Variants in AHDC1 observed in about 807,000 individuals in gnomAD.
AHDC1 encodes the protein transcription factor Gibbin.
A neutral mutation model predicts 87.9 loss-of-function variants in AHDC1; 7 were observed. That is an observed-to-expected ratio of 0.08 (90% CI 0.05 to 0.15). AHDC1 has a LOEUF of 0.15. Among genes scored for constraint, AHDC1 ranks in the 10% least tolerant of loss-of-function variants. AHDC1 has a pLI of 1.00. For missense variants in AHDC1, 1,841 were observed against 2,253.2 expected (o/e 0.82, Z 3.70); for synonymous variants, 1,051 against 1,006.8 (o/e 1.04, Z -0.83).
At chr1:27,597,357 C>T (rs1294705951) in intron 3 of AHDC1, among the ~76,000 whole-genome samples, 1 of 149,054 alleles carries the variant, frequency 6.7e-6, no homozygotes, top group Non-Finnish European at 1.5e-5. Flanking sequence ...GTGTGTGTGA[C>T]AGTGTGAGAG....
chr1:27,597,252 G>A (rs923799840), intron 3 of AHDC1, among the ~76,000 whole-genome samples: 3 of 152,222 alleles, frequency 2.0e-5, no homozygotes, highest in African/African-American at 7.2e-5. Flanking sequence ...CCTGTACAGG[G>A]AAGGAAGCAC....
At chr1:27,589,672 G>A (rs971426640) in intron 3 of AHDC1, among the ~76,000 whole-genome samples, 2 of 152,182 alleles carry the variant, frequency 1.3e-5, no homozygotes, top group African/African-American at 4.8e-5. Flanking sequence ...TCTGTGTGAT[G>A]TTTGTGAGAC....
In AHDC1 at chr1:27,598,441, T is replaced by A. The variant is rs992069657; in HGVS notation, c.-629+4956A>T. ...ATCCCCTGGCCAATGGAAGAGATGCTGGGATCCAGGAGGGAGGGGCCAGGA... is the reference window on the plus strand; with the variant it reads ...ATCCCCTGGCCAATGGAAGAGATGCAGGGATCCAGGAGGGAGGGGCCAGGA... On this transcript the variant is annotated intron_variant, in intron 3 of 8. Transcript: ENST00000673934. This position sits in a 1 kb window ranked among gnomAD's most constrained non-coding sequence, Gnocchi z 4.2. 6.6e-6 allele frequency among the ~76,000 whole-genome samples: 1 copy of A among 152,106 alleles called. No homozygotes were observed. Among genetic ancestry groups the A allele is most frequent in the African/African-American group, 2.4e-5 (1 of 41,432 alleles).
rs1195913812 is a variant in AHDC1, at chr1:27,534,261, G to GTTTTTTTTTTTTTTTTTTTTTT, written c.*698_*699insAAAAAAAAAAAAAAAAAAAAAA. The GTTTTTTTTTTTTTTTTTTTTTT allele has an allele frequency of 2.2e-5, 2 of 89,646 alleles. No individual in the cohort carries two copies. Among genetic ancestry groups the GTTTTTTTTTTTTTTTTTTTTTT allele is most frequent in the African/African-American group, 8.0e-5 (2 of 25,016 alleles). The allele number at this position is 89,646 out of a possible 1,614,324, so 5.6% of individuals were successfully genotyped here. On this transcript the variant is annotated 3_prime_UTR_variant, in exon 9 of 9. Coordinates refer to ENST00000673934, the MANE Select transcript of AHDC1 (RefSeq NM_001371928.1). ...GACACAAGGTTGGTTTTTTTTTTTT[G>GTTTTTTTTTTTTTTTTTTTTTT]TTTTTTTTTTGTTTTTTTTTTGCTT...
At chr1:27,552,775 A>T (rs144805997) in intron 7 of AHDC1, 117 bp downstream of exon 7, 23 of 152,816 alleles carry the variant, frequency 1.5e-4, no homozygotes, top group African/African-American at 5.5e-4. Context: ...TGCCTTTGAG[A>T]GGGAAGCACA....
In AHDC1 at chr1:27,547,312, A is replaced by G; in HGVS notation, c.4804T>C (p.Ser1602Pro). ...PHPEDTFTVT[S>P]L ...CGGCACTTCAGTTGGCACTACAGGG[A>G]TGTGACGGTGAATGTGTCCTCGGGG... Residue 1602 changes from serine to proline, a missense_variant, in exon 8 of 9, where the codon TCC (serine) becomes CCC (proline). Around this residue, in one of 13 missense-constraint regions of AHDC1, gnomAD observed 505 missense variants for 626.2 expected, o/e 0.81. Coordinates refer to ENST00000673934, the MANE Select transcript of AHDC1 (RefSeq NM_001371928.1). The surrounding 1 kb of genome is among the most constrained non-coding windows in gnomAD (Gnocchi z 4.9). The G allele has an allele frequency of 6.5e-6, 10 of 1,542,418 alleles. No homozygotes were observed. Among genetic ancestry groups the G allele is most frequent in the Non-Finnish European group, 8.7e-6 (10 of 1,147,456 alleles).
In AHDC1 at chr1:27,550,908, C is replaced by A; in HGVS notation, c.1208G>T (p.Arg403Leu). ...GCCCTCGGGTCCGGCGTCTGCCTTG[C>A]GTCCCCGTCCGGCTTTCCGCCGGCG... ...LCRRRKAGRG[R>L]KADAGPEGRL... The change falls in exon 8 of 9, where the codon CGC (arginine) becomes CTC (leucine). Residue 403 changes from arginine to leucine, a missense_variant. By Grantham distance (102) the Arg-to-Leu change is moderately radical (BLOSUM62 -2). Around this residue, in one of 13 missense-constraint regions of AHDC1, gnomAD observed 370 missense variants for 391.5 expected, o/e 0.95. Transcript: ENST00000673934. 6.3e-7 allele frequency: 1 copy of A among 1,595,768 alleles called. No individual in the cohort carries two copies. The highest frequency in any genetic ancestry group is 1.1e-5 in the South Asian group (1 of 89,946).
intron 3 of AHDC1, among the ~76,000 whole-genome samples, chr1:27,570,691 CACAGGCATGTGCA>C (rs1462463776): frequency 5.3e-5 from 8 of 152,296 alleles, no homozygotes; most frequent in African/African-American, 1.9e-4. Context: ...GTACCTGTGT[CACAGGCATGTGCA>C]CCACTGGAAG....
intron 8 of AHDC1, among the ~76,000 whole-genome samples, chr1:27,540,411 CAAAA>C (rs994738459): frequency 6.8e-6 from 1 of 147,970 alleles, no homozygotes; most frequent in Non-Finnish European, 1.5e-5. Context: ...AAAAAAAAAA[CAAAA>C]AAACCTGAAA....
rs1411120106 is a variant in AHDC1 at position 27,598,478 on chromosome 1, T to C, written c.-629+4919A>G. On this transcript the variant is annotated intron_variant, in intron 3 of 8. Coordinates refer to ENST00000673934, the MANE Select transcript of AHDC1 (RefSeq NM_001371928.1). This position sits in a 1 kb window ranked among gnomAD's most constrained non-coding sequence, Gnocchi z 4.2. ...GGGAGGGGCCAGGAGAGGCCAGGCCTTGGGCGAAGGAGGGGCTGGGAGCCA... is the reference window on the plus strand; with the variant it reads ...GGGAGGGGCCAGGAGAGGCCAGGCCCTGGGCGAAGGAGGGGCTGGGAGCCA... Among the ~76,000 whole-genome samples the C allele has an allele frequency of 6.6e-6, 1 of 152,112 alleles. No homozygotes were observed. The highest frequency in any genetic ancestry group is 1.9e-4 in the East Asian group (1 of 5,182).
chr1:27,598,771 A>G lies in AHDC1; in HGVS notation c.-629+4626T>C, dbSNP rs2089445544. Among the ~76,000 whole-genome samples, 1 of 152,116 alleles carries G rather than the reference A, an allele frequency of 6.6e-6. No homozygotes were observed. Among genetic ancestry groups the G allele is most frequent in the Admixed American group, 6.5e-5 (1 of 15,282 alleles). The stretch of plus-strand genomic sequence containing the variant: ...CCATCCTGAATCTAGCACCTCACAC[A>G]CAAATATATACAGTGCATCCCAGTG... On this transcript the variant is annotated intron_variant, in intron 3 of 8. Transcript: ENST00000673934. The surrounding 1 kb of genome is among the most constrained non-coding windows in gnomAD (Gnocchi z 4.2).
intron 3 of AHDC1, among the ~76,000 whole-genome samples, chr1:27,579,617 T>G (rs968376907): frequency 6.6e-6 from 1 of 152,152 alleles, no homozygotes; most frequent in African/African-American, 2.4e-5. Flanking sequence ...GTTTAAAATC[T>G]ACACACCCCT....
intron 3 of AHDC1, among the ~76,000 whole-genome samples, chr1:27,586,721 C>T (rs1051607644): frequency 6.6e-6 from 1 of 152,174 alleles, no homozygotes; most frequent in Admixed American, 6.5e-5. Context: ...TAGGCACCCA[C>T]CTGGCTCTGC....
At position 27,550,872 on chromosome 1, in the gene AHDC1, G is replaced by A. The variant is rs945089944; in HGVS notation, c.1244C>T (p.Pro415Leu). 2 of 1,581,192 alleles carry A rather than the reference G, an allele frequency of 1.3e-6. No homozygotes were observed. Among genetic ancestry groups the A allele is most frequent in the Admixed American group, 1.8e-5 (1 of 56,956 alleles). ...CACCAGCCCCGTGGGCATAGGCAGG[G>A]GCAGTAGGCGGCCCTCGGGTCCGGC... ...ADAGPEGRLL[P>L]LPMPTGLVAA... Residue 415 changes from proline (P) to leucine (L), a missense_variant, in exon 8 of 9, where the codon CCC becomes CTC. By Grantham distance (98) the Pro-to-Leu change is moderately conservative. Transcript: ENST00000673934.
chr1:27,547,152 A>T lies in AHDC1; in HGVS notation c.*43+109T>A. On this transcript the variant is annotated intron_variant, in intron 8 of 8. Transcript: ENST00000673934. The surrounding 1 kb of genome is among the most constrained non-coding windows in gnomAD (Gnocchi z 4.9). ...GCTCTCAGTCCCCAGCCTTGCCCTT[A>T]AATCCTGCATTTGCTTCCTGCACTC... 1 of 760,604 alleles carries T rather than the reference A, an allele frequency of 1.3e-6. No individual in the cohort carries two copies. Among genetic ancestry groups the T allele is most frequent in the Non-Finnish European group, 2.0e-6 (1 of 497,242 alleles). The allele number at this position is 760,604 out of a possible 1,614,324, so 47.1% of individuals were successfully genotyped here. A position where few individuals can be genotyped will look rare whatever the true frequency, so the allele number is the denominator to read the frequency against.
At chr1:27,557,974 C>A (rs2019901843) in intron 5 of AHDC1, among the ~76,000 whole-genome samples, 1 of 152,216 alleles carries the variant, frequency 6.6e-6, no homozygotes, top group Admixed American at 6.5e-5. Flanking sequence ...AGCCTCGCAT[C>A]CTCCCACAGC....
chr1:27,575,130 G>A (rs2088677214), intron 3 of AHDC1, among the ~76,000 whole-genome samples: 1 of 152,272 alleles, frequency 6.6e-6, no homozygotes, highest in African/African-American at 2.4e-5. Flanking sequence ...CAGTCCGCAG[G>A]CCCAGCACTT....
intron 3 of AHDC1, among the ~76,000 whole-genome samples, chr1:27,594,338 A>T (rs941576760): frequency 2.0e-5 from 3 of 151,886 alleles, no homozygotes; most frequent in African/African-American, 7.3e-5. Context: ...GGGTTGGGGG[A>T]GGGAGGCAGT....
At chr1:27,589,632 T>C (rs2089166678) in intron 3 of AHDC1, among the ~76,000 whole-genome samples, 1 of 152,156 alleles carries the variant, frequency 6.6e-6, no homozygotes, top group South Asian at 2.1e-4. Context: ...GACTATGCCA[T>C]GTGTTGTAGT....
Sources: gnomAD v4.1 joint callset for allele counts (sites outside exome capture counted in the v4.1 genomes callset) on GRCh38, gnomAD v4.1.1 for gene constraint, gnomAD v4.1.1 regional missense constraint, Gnocchi (gnomAD v3.1) non-coding constraint, MANE v1.5 for transcripts, NCBI Gene and HGNC (gene_info 2026-07-23, HGNC 2026-07-21) for gene names.